The following SFMBT1 variants were observed in gnomAD, a reference collection of about 807,000 sequenced individuals.
SFMBT1 encodes the protein Scm like with four mbt domains 1, also known as scm-like with four MBT domains protein 1.
In SFMBT1, 32 loss-of-function variants were observed where a neutral mutation model predicts 108.7. The observed-to-expected ratio is 0.29, with a 90% CI of 0.22 to 0.40. The LOEUF is 0.40. Ranked by LOEUF, SFMBT1 falls within the 10% of genes least tolerant of loss-of-function variation. The pLI is 1.00. For synonymous variants in SFMBT1, 348 were observed against 369.5 expected (o/e 0.94, Z 0.67); for missense variants, 816 against 1,059.6 (o/e 0.77, Z 3.19).
chr3:52,996,803 C>T (rs1349678205), intron 1 of SFMBT1, among the ~76,000 whole-genome samples: 3 of 150,392 alleles, frequency 2.0e-5, no homozygotes, highest in African/African-American at 4.8e-5. Context: ...GGCACGGTGG[C>T]TCACGCCTGT....
chr3:52,981,926 A>G (rs1416898632), intron 1 of SFMBT1, among the ~76,000 whole-genome samples: 1 of 152,044 alleles, frequency 6.6e-6, no homozygotes, highest in Non-Finnish European at 1.5e-5. Context: ...GACAAAAAGA[A>G]CCCTTTTTCT....
At chr3:52,906,007 TG>T in intron 20 of SFMBT1, 105 bp downstream of exon 20, 2 of 1,311,290 alleles carry the variant, frequency 1.5e-6, no homozygotes, top group Non-Finnish European at 2.1e-6. Flanking sequence ...TCTTGTCTTT[TG>T]GATCAAAACA....
chr3:52,995,565 T>C lies in SFMBT1; in HGVS notation c.-130-26307A>G, dbSNP rs1053436401. Among the ~76,000 whole-genome samples, 6 of 149,834 alleles carry C rather than the reference T, an allele frequency of 4.0e-5. 1 individual carries two copies. Among genetic ancestry groups the C allele is most frequent in the Admixed American group, 6.8e-5 (1 of 14,794 alleles). On this transcript the variant is annotated intron_variant, in intron 1 of 20. Transcript: ENST00000394752. Reference sequence around the variant, plus strand: ...GCCACCATGCCTTGCTAACTTTGTTTATGTTTTGTAGAGAAGTGGTCGAAG... The same window carrying C: ...GCCACCATGCCTTGCTAACTTTGTTCATGTTTTGTAGAGAAGTGGTCGAAG...
chr3:53,030,466 C>A (rs1367971775), intron 1 of SFMBT1, among the ~76,000 whole-genome samples: 1 of 151,754 alleles, frequency 6.6e-6, no homozygotes, highest in South Asian at 2.1e-4. Flanking sequence ...GTTTTAAAGG[C>A]GTACTTAAGT....
intron 2 of SFMBT1, among the ~76,000 whole-genome samples, chr3:52,955,106 A>C (rs1703735774): frequency 6.6e-6 from 1 of 152,168 alleles, no homozygotes; most frequent in Non-Finnish European, 1.5e-5. Context: ...CCTTCAAAAA[A>C]ATAAACAAAT....
At chr3:52,981,022 C>T (rs1420447103) in intron 1 of SFMBT1, among the ~76,000 whole-genome samples, 39 of 151,992 alleles carry the variant, frequency 2.6e-4, no homozygotes, top group Non-Finnish European at 5.6e-4. Flanking sequence ...ATTAGCCGGG[C>T]GTGGTGGCAC....
chr3:52,945,708 A>G (rs1703343906), intron 3 of SFMBT1, among the ~76,000 whole-genome samples: 2 of 151,908 alleles, frequency 1.3e-5, no homozygotes, highest in East Asian at 3.9e-4. Flanking sequence ...TCAGGAGACA[A>G]AGGCAGGAGA....
In SFMBT1 at chr3:52,997,056, G is replaced by A. The variant is rs776139246; in HGVS notation, c.-130-27798C>T. On this transcript the variant is annotated intron_variant, in intron 1 of 20. Coordinates refer to ENST00000394752, the MANE Select transcript of SFMBT1 (RefSeq NM_016329.4). ...TGCACTCCAGCCTGGGCGACTGAGC[G>A]AGACTCAGTCTCAAAAAAAAACAAA... Among the ~76,000 whole-genome samples the A allele has an allele frequency of 9.4e-5, 14 of 148,384 alleles. 3 individuals are homozygous for A. Among genetic ancestry groups the A allele is most frequent in the Non-Finnish European group, 1.5e-4 (10 of 66,430 alleles).
intron 1 of SFMBT1, among the ~76,000 whole-genome samples, chr3:52,991,586 C>T (rs1051069387): frequency 5.3e-5 from 8 of 152,118 alleles, no homozygotes; most frequent in African/African-American, 1.4e-4. Context: ...TCAGGTGATC[C>T]GCCCACCTCG....
At chr3:52,921,162 C>G (rs139709713) in intron 11 of SFMBT1, among the ~76,000 whole-genome samples, 1 of 152,212 alleles carries the variant, frequency 6.6e-6, no homozygotes, top group Non-Finnish European at 1.5e-5. Flanking sequence ...GCCAATTCTA[C>G]AAATCAGAAA....
At chr3:53,032,627 T>C (rs1375309852) in intron 1 of SFMBT1, among the ~76,000 whole-genome samples, 1 of 152,198 alleles carries the variant, frequency 6.6e-6, no homozygotes, top group East Asian at 1.9e-4. Flanking sequence ...AGGAATAACA[T>C]TATAAGTGGA....
At chr3:52,914,070 C>T (rs1702280661) in intron 14 of SFMBT1, among the ~76,000 whole-genome samples, 1 of 152,174 alleles carries the variant, frequency 6.6e-6, no homozygotes, top group South Asian at 2.1e-4. Flanking sequence ...AATATGTTGG[C>T]AGCCTTTGAT....
chr3:52,996,559 A>G (rs1045837419), intron 1 of SFMBT1, among the ~76,000 whole-genome samples: 3 of 150,260 alleles, frequency 2.0e-5, no homozygotes, highest in African/African-American at 2.4e-5. Context: ...TACTTCAGCA[A>G]AGAAAATATA....
intron 2 of SFMBT1, 66 bp downstream of exon 2, chr3:52,969,035 A>G: frequency 1.9e-6 from 3 of 1,585,278 alleles, no homozygotes; most frequent in East Asian, 4.5e-5. Flanking sequence ...GAAACAGACA[A>G]TATAACACAG....
intron 13 of SFMBT1, 75 bp downstream of exon 13, chr3:52,918,409 G>A (rs1702421349): frequency 8.5e-7 from 1 of 1,180,968 alleles, no homozygotes; most frequent in African/African-American, 1.6e-5. Flanking sequence ...AGAAAATGAG[G>A]AAATATACCC....
At chr3:53,030,026 C>T (rs1268796173) in intron 1 of SFMBT1, among the ~76,000 whole-genome samples, 1 of 151,446 alleles carries the variant, frequency 6.6e-6, no homozygotes, top group African/African-American at 2.4e-5. Flanking sequence ...TATTAGAAAA[C>T]TTTTCTTAAT....
intron 3 of SFMBT1, among the ~76,000 whole-genome samples, chr3:52,952,097 G>T (rs1703614605): frequency 6.6e-6 from 1 of 152,196 alleles, no homozygotes; most frequent in Non-Finnish European, 1.5e-5. Flanking sequence ...GGTGGCTCAC[G>T]CCTGTAATCC....
intron 11 of SFMBT1, among the ~76,000 whole-genome samples, chr3:52,920,910 G>T (rs1702504403): frequency 6.6e-6 from 1 of 152,156 alleles, no homozygotes; most frequent in Non-Finnish European, 1.5e-5. Context: ...CAGCAAATAA[G>T]AAACTGGAAC....
intron 5 of SFMBT1, among the ~76,000 whole-genome samples, chr3:52,934,377 C>A (rs1363168524): frequency 6.7e-6 from 1 of 148,512 alleles, no homozygotes; most frequent in African/African-American, 2.5e-5. Context: ...TTTAAAAGGA[C>A]TGCTGAAAAG....
Sources: gnomAD v4.1 joint callset for allele counts (sites outside exome capture counted in the v4.1 genomes callset) on GRCh38, gnomAD v4.1.1 for gene constraint, MANE v1.5 for transcripts, NCBI Gene and HGNC (gene_info 2026-07-23, HGNC 2026-07-21) for gene names.